The following RBM26 variants were observed in gnomAD, a reference collection of about 807,000 sequenced individuals.
RBM26 encodes RNA binding motif protein 26.
A neutral mutation model predicts 123.6 loss-of-function variants in RBM26; 30 were observed. The ratio of observed to expected loss-of-function variants is 0.24; its 90% CI spans 0.18 to 0.33. The LOEUF is 0.33. Among genes scored for constraint, RBM26 ranks in the 10% least tolerant of loss-of-function variants. The pLI, the probability that RBM26 is intolerant of heterozygous loss-of-function variation, is 1.00. For missense variants in RBM26, 947 were observed against 1,203.6 expected (o/e 0.79, Z 3.15); for synonymous variants, 400 against 404.4 (o/e 0.99, Z 0.13).
rs1341762478 is a variant in RBM26 at position 79,366,083 on chromosome 13, A to G, written c.1248T>C (p.Pro416=). 5 of 1,613,998 alleles carry G rather than the reference A, an allele frequency of 3.1e-6. No individual in the cohort carries two copies. The highest frequency in any genetic ancestry group is 4.2e-6 in the Non-Finnish European group (5 of 1,179,986). Reference sequence around the variant, plus strand: ...CAGTAAAAAGAGAGGGTGGAGCAGGAGGAGGCTGGTGATGAATGCCAGTTG... The same window carrying G: ...CAGTAAAAAGAGAGGGTGGAGCAGGGGGAGGCTGGTGATGAATGCCAGTTG... The part of the protein sequence containing the change: ...VVTTGIHHQP[P]PAPPSLFTAD... The change falls in exon 8 of 22, where the codon CCT becomes CCC. Residue 416 remains proline, a synonymous_variant. Coordinates refer to ENST00000438737, the MANE Select transcript of RBM26 (RefSeq NM_001366735.2).
At chr13:79,339,617 C>T (rs768717137) in intron 18 of RBM26, among the ~76,000 whole-genome samples, 74 of 152,116 alleles carry the variant, frequency 4.9e-4, no homozygotes, top group Non-Finnish European at 8.4e-4. Context: ...ACAGTATATA[C>T]GGAAGTATGC....
chr13:79,371,292 A>C (rs1458447186), intron 4 of RBM26, 130 bp from the exon 5 acceptor site: 1 of 717,640 alleles, frequency 1.4e-6, no homozygotes, highest in Non-Finnish European at 2.3e-6. Context: ...AACTGAAAAA[A>C]CTGAGCTTAA....
At chr13:79,371,969 A>T in intron 3 of RBM26, 39 bp from the exon 4 acceptor site, 1 of 1,390,128 alleles carries the variant, frequency 7.2e-7, no homozygotes, top group Non-Finnish European at 1.0e-6. Context: ...AAGTTTAGTA[A>T]TTATTCCACT....
intron 14 of RBM26, among the ~76,000 whole-genome samples, chr13:79,347,639 C>T (rs1566391045): frequency 6.6e-6 from 1 of 151,808 alleles, no homozygotes; most frequent in Non-Finnish European, 1.5e-5. Context: ...TACATATTTA[C>T]TTCTATACAT....
intron 1 of RBM26, among the ~76,000 whole-genome samples, chr13:79,399,055 T>C (rs1298232205): frequency 6.6e-6 from 1 of 152,132 alleles, no homozygotes; most frequent in African/African-American, 2.4e-5. Flanking sequence ...CACGACTAAA[T>C]AATTTAATGT....
intron 1 of RBM26, among the ~76,000 whole-genome samples, chr13:79,396,154 A>G (rs1464969685): frequency 6.6e-6 from 1 of 152,236 alleles, no homozygotes; most frequent in Non-Finnish European, 1.5e-5. Context: ...TTCTCACCAG[A>G]AACAACAGAG....
intron 9 of RBM26, among the ~76,000 whole-genome samples, chr13:79,360,687 G>GT (rs1329720245): frequency 7.1e-6 from 1 of 140,578 alleles, no homozygotes; most frequent in East Asian, 2.0e-4. Flanking sequence ...AAATATGAAT[G>GT]TAATGAAAGC....
rs1194131961 is a variant in RBM26 at position 79,370,971 on chromosome 13, C to G, written c.608G>C (p.Arg203Thr). The change falls in exon 5 of 22, where the codon AGA becomes ACA. Residue 203 changes from arginine (R) to threonine (T), a missense_variant. Arg to Thr is a moderately conservative substitution (Grantham distance 71). Coordinates refer to ENST00000438737, the MANE Select transcript of RBM26 (RefSeq NM_001366735.2). ...RERDRDRSRT[R>T]SRSRTRSRER... ...CCTGCTTCGTGTTCTGCTTCTGCTT[C>G]TAGTCCTGCTTCTATCTCTGTCCCT... The G allele has an allele frequency of 1.9e-6, 3 of 1,594,494 alleles. No homozygotes were observed. The highest frequency in any genetic ancestry group is 1.7e-4 in the Middle Eastern group (1 of 6,020).
intron 1 of RBM26, among the ~76,000 whole-genome samples, chr13:79,385,624 TAA>T (rs770267595): frequency 6.6e-6 from 1 of 152,198 alleles, no homozygotes; most frequent in Non-Finnish European, 1.5e-5. Flanking sequence ...GCTTTTTATT[TAA>T]AAGAGTTATA....
intron 14 of RBM26, 78 bp downstream of exon 14, chr13:79,353,075 G>GA (rs1419684588): frequency 3.9e-5 from 32 of 819,206 alleles, no homozygotes; most frequent in Admixed American, 1.7e-4. Context: ...TTAGAACTAT[G>GA]AAAAAAAATT....
chr13:79,398,934 A>G (rs1370545240), intron 1 of RBM26, among the ~76,000 whole-genome samples: 2 of 152,240 alleles, frequency 1.3e-5, no homozygotes, highest in Non-Finnish European at 2.9e-5. Flanking sequence ...TATATACTAC[A>G]CACAAAGCAT....
At chr13:79,341,290 T>A (rs1473858241) in intron 17 of RBM26, 63 bp from the exon 18 acceptor site, 33 of 1,062,322 alleles carry the variant, frequency 3.1e-5, no homozygotes, top group Middle Eastern at 4.5e-4. Context: ...ATACAAACCT[T>A]TTTAAAGTAA....
At chr13:79,372,672 T>C (rs895494772) in intron 3 of RBM26, among the ~76,000 whole-genome samples, 1 of 145,712 alleles carries the variant, frequency 6.9e-6, no homozygotes, top group Non-Finnish European at 1.5e-5. Context: ...CATAAATACA[T>C]ACACACACAC....
chr13:79,399,238 T>C (rs953807472), intron 1 of RBM26, among the ~76,000 whole-genome samples: 12 of 152,186 alleles, frequency 7.9e-5, no homozygotes, highest in African/African-American at 2.2e-4. Context: ...TACACCATAA[T>C]ACAACAAGGC....
intron 10 of RBM26, among the ~76,000 whole-genome samples, chr13:79,359,265 G>A (rs1258110830): frequency 6.6e-6 from 1 of 152,124 alleles, no homozygotes; most frequent in East Asian, 1.9e-4. Context: ...CTCTAATGAT[G>A]AGAGGCTCAT....
Position 79,342,605 on chromosome 13 carries a change from A to G in RBM26, c.2427+59T>C, listed in dbSNP as rs2071602468. On this transcript the variant is annotated intron_variant, in intron 17 of 21. Transcript: ENST00000438737. ...CCTACAAGAAAAACTGAATCTTAAA[A>G]ATGTAGTGTCTAATGCTTGTTAATA... The G allele has an allele frequency of 8.9e-6, 12 of 1,342,832 alleles. No individual in the cohort carries two copies. The South Asian group carries it at 1.6e-4, about 17-fold the overall frequency. The allele number at this position is 1,342,832 out of a possible 1,614,324, so 83.2% of individuals were successfully genotyped here.
At chr13:79,368,193 T>G (rs570749570) in intron 6 of RBM26, among the ~76,000 whole-genome samples, 1 of 152,118 alleles carries the variant, frequency 6.6e-6, no homozygotes, top group Non-Finnish European at 1.5e-5. Context: ...CCCAGCTAAT[T>G]TGTTGTATTT....
intron 1 of RBM26, among the ~76,000 whole-genome samples, chr13:79,402,470 C>G (rs2079135122): frequency 6.6e-6 from 1 of 150,528 alleles, no homozygotes; most frequent in African/African-American, 2.4e-5. Context: ...ATCTGAAAAC[C>G]CTCTTGCCCT....
chr13:79,333,660 A>C (rs942880202), intron 20 of RBM26, among the ~76,000 whole-genome samples: 5 of 152,176 alleles, frequency 3.3e-5, no homozygotes, highest in African/African-American at 9.7e-5. Flanking sequence ...AGGGCAAAAA[A>C]GGCTCCTATG....
Sources: allele counts gnomAD v4.1 joint callset (sites outside exome capture counted in the v4.1 genomes callset), GRCh38; gene constraint gnomAD v4.1.1; transcripts MANE v1.5; gene names NCBI Gene and HGNC (gene_info 2026-07-23, HGNC 2026-07-21).